KCNK9: variants seen among roughly 807,000 people sequenced by gnomAD.
KCNK9 encodes potassium channel subfamily K member 9.
KCNK9 carries 1 observed loss-of-function variant against 10.8 expected under a neutral mutation model. The observed-to-expected ratio is 0.09, with a 90% CI of 0.03 to 0.44. The LOEUF is 0.44. KCNK9 is among the 20% of genes least tolerant of loss of function. The pLI is 0.97. For synonymous variants in KCNK9, 231 were observed against 222.7 expected (o/e 1.04, Z -0.33); for missense variants, 303 against 515.0 (o/e 0.59, Z 3.98).
At chr8:139,673,655 A>G (rs1408342365) in intron 1 of KCNK9, among the ~76,000 whole-genome samples, 1 of 151,102 alleles carries the variant, frequency 6.6e-6, no homozygotes, top group Non-Finnish European at 1.5e-5. Flanking sequence ...AGAAAATGTG[A>G]GCAAAATGTC....
intron 1 of KCNK9, among the ~76,000 whole-genome samples, chr8:139,687,226 C>T (rs1425040694): frequency 6.6e-6 from 1 of 151,736 alleles, no homozygotes; most frequent in African/African-American, 2.4e-5. Flanking sequence ...CAACCTGCTG[C>T]TAGCTGTCAC....
At chr8:139,658,086 A>T (rs1816065471) in intron 1 of KCNK9, among the ~76,000 whole-genome samples, 1 of 152,226 alleles carries the variant, frequency 6.6e-6, no homozygotes, top group African/African-American at 2.4e-5. Context: ...AGGTCATGGC[A>T]TCCACTCAGA....
intron 1 of KCNK9, among the ~76,000 whole-genome samples, chr8:139,669,113 C>T (rs1264372344): frequency 2.2e-5 from 2 of 90,042 alleles, no homozygotes; most frequent in Non-Finnish European, 5.7e-5. Context: ...AAGTACTCTA[C>T]TGCTAAAAAA....
At chr8:139,670,523 G>A (rs950356411) in intron 1 of KCNK9, among the ~76,000 whole-genome samples, 2 of 152,228 alleles carry the variant, frequency 1.3e-5, no homozygotes, top group African/African-American at 4.8e-5. Flanking sequence ...GTAATCTGGA[G>A]ATGATTTAAA....
downstream of KCNK9, among the ~76,000 whole-genome samples, chr8:139,610,470 T>TA (rs1264315812): frequency 2.0e-5 from 3 of 152,172 alleles, no homozygotes; most frequent in Non-Finnish European, 4.4e-5. Context: ...TAGTCTTTGG[T>TA]AAAACCAGCA....
downstream of KCNK9, among the ~76,000 whole-genome samples, chr8:139,613,226 C>A (rs1036079085): frequency 1.3e-5 from 2 of 152,126 alleles, no homozygotes; most frequent in African/African-American, 2.4e-5. Context: ...AGCAGGGTGG[C>A]AAAGTATTGA....
chr8:139,638,297 G>C (rs894001921), intron 1 of KCNK9, among the ~76,000 whole-genome samples: 3 of 152,134 alleles, frequency 2.0e-5, no homozygotes, highest in Non-Finnish European at 2.9e-5. Flanking sequence ...AGCTGCAGAT[G>C]ATGAGACCAC....
At chr8:139,652,621 G>A (rs1815902280) in intron 1 of KCNK9, among the ~76,000 whole-genome samples, 1 of 152,174 alleles carries the variant, frequency 6.6e-6, no homozygotes, top group Non-Finnish European at 1.5e-5. Flanking sequence ...GGGAGCTGAA[G>A]GCTGATTCAA....
intron 2 of KCNK9, among the ~76,000 whole-genome samples, chr8:139,602,263 C>A (rs769848203): frequency 2.0e-5 from 3 of 152,196 alleles, no homozygotes; most frequent in Non-Finnish European, 4.4e-5. Context: ...CCTTGACGAT[C>A]GATCACAGGC....
At chr8:139,601,987 G>A (rs1586615286) in intron 2 of KCNK9, 1 of 152,158 alleles carries the variant, frequency 6.6e-6, no homozygotes, top group Non-Finnish European at 1.5e-5. Context: ...GTCCACCATG[G>A]GCCAGCTGGG....
intron 1 of KCNK9, among the ~76,000 whole-genome samples, chr8:139,673,538 G>C (rs959382956): frequency 6.6e-6 from 1 of 152,166 alleles, no homozygotes; most frequent in Non-Finnish European, 1.5e-5. Flanking sequence ...CTGACAGTGT[G>C]GCTGGTAAAA....
chr8:139,604,559 G>C (rs1450546185), intron 2 of KCNK9, among the ~76,000 whole-genome samples: 1 of 152,188 alleles, frequency 6.6e-6, no homozygotes, highest in African/African-American at 2.4e-5. Flanking sequence ...CTGGCTTCTA[G>C]CCAGGCATCC....
intron 2 of KCNK9, among the ~76,000 whole-genome samples, chr8:139,606,158 G>A (rs865940093): frequency 3.3e-5 from 5 of 152,282 alleles, no homozygotes; most frequent in Middle Eastern, 3.4e-3. Context: ...GGAGGAAGGT[G>A]GGTCCTGGTA....
chr8:139,627,863 A>C (rs982807559), intron 1 of KCNK9, among the ~76,000 whole-genome samples: 1 of 152,232 alleles, frequency 6.6e-6, no homozygotes, highest in Non-Finnish European at 1.5e-5. Flanking sequence ...CAGGGCTGTG[A>C]GCAGGGAATG....
At position 139,697,938 on chromosome 8, in the gene KCNK9, G is replaced by GGGGCTCC. The variant is rs1479440298; in HGVS notation, c.283+4771_283+4772insGGAGCCC. 2.0e-5 allele frequency among the ~76,000 whole-genome samples: 3 copies of GGGGCTCC among 152,156 alleles called. No individual in the cohort carries two copies. In the South Asian group the frequency reaches 6.2e-4, roughly 31 times the overall value. On this transcript the variant is annotated intron_variant, in intron 1 of 1. Coordinates refer to ENST00000520439, the MANE Select transcript of KCNK9 (RefSeq NM_001282534.2). ...AGGCATCTCCTGGCTCCCCAGCATG[G>GGGGCTCC]CCAGCTACCCTGCTGGACATTACCA...
chr8:139,701,627 C>T (rs1409666096), intron 1 of KCNK9, among the ~76,000 whole-genome samples: 3 of 152,160 alleles, frequency 2.0e-5, no homozygotes, highest in African/African-American at 7.2e-5. Flanking sequence ...CACTAACACA[C>T]TGGCCTTGGC....
At position 139,702,132 on chromosome 8, in the gene KCNK9, G is replaced by A. The variant is rs1246341316; in HGVS notation, c.283+578C>T. Reference sequence around the variant, plus strand: ...CTGGGAAGTCCAAGCTCCAGAACTGGAACTCAGGGGAAAAAAGGAGCCGGG... The same window carrying A: ...CTGGGAAGTCCAAGCTCCAGAACTGAAACTCAGGGGAAAAAAGGAGCCGGG... On this transcript the variant is annotated intron_variant, in intron 1 of 1. Transcript: ENST00000520439. The surrounding 1 kb of genome is among the most constrained non-coding windows in gnomAD (Gnocchi z 7.5). Among the ~76,000 whole-genome samples, 1 of 152,144 alleles carries A rather than the reference G, an allele frequency of 6.6e-6. No homozygotes were observed. The highest frequency in any genetic ancestry group is 1.5e-5 in the Non-Finnish European group (1 of 68,022).
At chr8:139,658,119 C>T (rs1240278438) in intron 1 of KCNK9, among the ~76,000 whole-genome samples, 2 of 152,200 alleles carry the variant, frequency 1.3e-5, no homozygotes, top group Admixed American at 6.5e-5. Flanking sequence ...GGGCAAAGAC[C>T]CTTGTCTTCA....
chr8:139,676,411 T>C (rs1020874866), intron 1 of KCNK9, among the ~76,000 whole-genome samples: 5 of 152,184 alleles, frequency 3.3e-5, no homozygotes, highest in African/African-American at 1.2e-4. Flanking sequence ...GTTACTTATT[T>C]CTGTTTCCCA....
Sources: gnomAD v4.1 joint callset for allele counts (sites outside exome capture counted in the v4.1 genomes callset) on GRCh38, gnomAD v4.1.1 for gene constraint, Gnocchi (gnomAD v3.1) non-coding constraint, MANE v1.5 for transcripts, NCBI Gene and HGNC (gene_info 2026-07-23, HGNC 2026-07-21) for gene names.